SCN11A: variants seen among roughly 807,000 people sequenced by gnomAD.
SCN11A encodes sodium channel protein type 11 subunit alpha.
Under a neutral mutation model 162.2 loss-of-function variants are expected in SCN11A, and 122 were observed. The ratio of observed to expected loss-of-function variants is 0.75; its 90% CI spans 0.65 to 0.87. The LOEUF (loss-of-function observed/expected upper bound fraction) is 0.87. Among genes scored for constraint, SCN11A ranks in the 40% least tolerant of loss-of-function variants. The pLI is 0.00. For missense variants in SCN11A, 2,015 were observed against 2,181.6 expected (o/e 0.92, Z 1.52); for synonymous variants, 758 against 751.5 (o/e 1.01, Z -0.14).
chr3:38,891,786 A>G (rs1391652418), intron 19 of SCN11A, among the ~76,000 whole-genome samples: 1 of 152,214 alleles, frequency 6.6e-6, no homozygotes, highest in Non-Finnish European at 1.5e-5. Flanking sequence ...TAACAGCATT[A>G]ATCCATTCAT....
At chr3:38,903,609 T>C (rs1019626976) in intron 16 of SCN11A, among the ~76,000 whole-genome samples, 2 of 152,208 alleles carry the variant, frequency 1.3e-5, no homozygotes, top group Non-Finnish European at 2.9e-5. Context: ...TTTTAGGATG[T>C]CTGCTTGTAT....
chr3:38,884,748 A>G (rs2065366218), intron 21 of SCN11A, among the ~76,000 whole-genome samples: 1 of 152,232 alleles, frequency 6.6e-6, no homozygotes, highest in African/African-American at 2.4e-5. Flanking sequence ...ATGCTCTTCT[A>G]AGTGATTTAT....
intron 14 of SCN11A, among the ~76,000 whole-genome samples, chr3:38,907,353 T>C (rs1377701309): frequency 2.8e-4 from 17 of 60,646 alleles, no homozygotes; most frequent in African/African-American, 7.5e-4. Context: ...TATATATCTA[T>C]ATATACACAC....
At chr3:38,992,945 C>T (rs375973522) in intron 2 of SCN11A, among the ~76,000 whole-genome samples, 2 of 152,354 alleles carry the variant, frequency 1.3e-5, no homozygotes, top group African/African-American at 4.8e-5. Context: ...TCCTACCTTA[C>T]CACACACACT....
chr3:39,049,930 G>C (rs2032280963), intron 1 of SCN11A, among the ~76,000 whole-genome samples: 1 of 152,128 alleles, frequency 6.6e-6, no homozygotes, highest in Non-Finnish European at 1.5e-5. Context: ...TCTGCCCACT[G>C]AAAGAACTTC....
chr3:39,002,395 A>C, intron 2 of SCN11A, among the ~76,000 whole-genome samples: 1 of 152,214 alleles, frequency 6.6e-6, no homozygotes. Context: ...GCTGAGTTTC[A>C]CCATCTTGAA....
intron 2 of SCN11A, among the ~76,000 whole-genome samples, chr3:39,022,708 C>T (rs2031481255): frequency 6.6e-6 from 1 of 152,006 alleles, no homozygotes; most frequent in Admixed American, 6.6e-5. Flanking sequence ...ATGGCAAAAC[C>T]TTGTCCCTAC....
chr3:38,846,718 G>A lies in SCN11A; in HGVS notation c.5352C>T (p.Ala1784=). The A allele has an allele frequency of 1.2e-6, 2 of 1,614,040 alleles. No individual in the cohort carries two copies. The highest frequency in any genetic ancestry group is 1.3e-5 in the African/African-American group (1 of 75,022). ...CNGDLSSFGV[A]KGKVHCD is the part of the protein sequence containing the mutation. ...CTCAGTCACAGTGGACCTTGCCCTTGGCCACCCCAAAGCTAGACAAGTCTC... is the reference window on the plus strand; with the variant it reads ...CTCAGTCACAGTGGACCTTGCCCTTAGCCACCCCAAAGCTAGACAAGTCTC... The change falls in exon 30 of 30, where the codon GCC becomes GCT. Residue 1784 remains alanine, a synonymous_variant. Transcript: ENST00000302328.
chr3:38,949,960 G>T, intron 5 of SCN11A, 136 bp downstream of exon 5: 1 of 626,386 alleles, frequency 1.6e-6, no homozygotes. Context: ...CAATGCCAGG[G>T]GATGACAGCA....
chr3:38,908,347 T>C (rs2065833776), intron 13 of SCN11A, among the ~76,000 whole-genome samples: 1 of 152,230 alleles, frequency 6.6e-6, no homozygotes. Flanking sequence ...GACTCTTTCA[T>C]ATCTCTGTGT....
At chr3:38,920,090 G>C (rs991838940) in intron 10 of SCN11A, 89 bp from the exon 11 acceptor site, 2 of 1,016,266 alleles carry the variant, frequency 2.0e-6, no homozygotes, top group Non-Finnish European at 3.0e-6. Context: ...GCTTGAAAAT[G>C]GATGTTTCTA....
chr3:38,949,907 G>A (rs982606615), intron 5 of SCN11A, among the ~76,000 whole-genome samples, 189 bp downstream of exon 5: 18 of 152,148 alleles, frequency 1.2e-4, no homozygotes, highest in Middle Eastern at 3.4e-3. Flanking sequence ...ATGCATTGCA[G>A]AGAAAAAATG....
At chr3:39,016,397 C>T (rs2031289877) in intron 2 of SCN11A, among the ~76,000 whole-genome samples, 1 of 152,168 alleles carries the variant, frequency 6.6e-6, no homozygotes, top group South Asian at 2.1e-4. Context: ...TGCATACAAA[C>T]TAAGGCACTG....
intron 11 of SCN11A, among the ~76,000 whole-genome samples, chr3:38,919,233 C>T (rs550648924): frequency 1.7e-3 from 256 of 152,288 alleles, no homozygotes; most frequent in African/African-American, 5.7e-3. Context: ...AATCCAAAAA[C>T]GTGGAGCTGC....
rs754911340 is a variant in SCN11A at position 38,846,999 on chromosome 3, C to A, written c.5071G>T (p.Ala1691Ser). 1.9e-6 allele frequency: 3 copies of A among 1,614,068 alleles called. No homozygotes were observed. The highest frequency in any genetic ancestry group is 1.1e-5 in the South Asian group (1 of 91,070). The change falls in exon 30 of 30, where the codon GCT (alanine) becomes TCT (serine). Residue 1691 changes from alanine to serine, a missense_variant. By Grantham distance (99) the Ala-to-Ser change is moderately conservative. Coordinates refer to ENST00000302328, the MANE Select transcript of SCN11A (RefSeq NM_001349253.2). ...HCMDILFAFT[A>S]RVLGGSDGLD... ...CCATCAGAGCCACCGAGTACCCTAG[C>A]GGTGAAGGCGAAAAGAATATCCATG...
intron 2 of SCN11A, among the ~76,000 whole-genome samples, chr3:38,975,577 T>C (rs1185681943): frequency 2.0e-5 from 3 of 152,212 alleles, no homozygotes; most frequent in Non-Finnish European, 2.9e-5. Flanking sequence ...CTCAACAAAT[T>C]GTTCAACTTC....
intron 28 of SCN11A, among the ~76,000 whole-genome samples, chr3:38,856,511 G>A (rs530342116): frequency 2.6e-5 from 4 of 152,152 alleles, no homozygotes; most frequent in Non-Finnish European, 4.4e-5. Flanking sequence ...GAGGAGCTGA[G>A]GTAGCTTCTA....
intron 2 of SCN11A, among the ~76,000 whole-genome samples, chr3:38,989,467 G>A (rs1336482293): frequency 1.3e-5 from 2 of 152,210 alleles, no homozygotes; most frequent in Non-Finnish European, 2.9e-5. Flanking sequence ...GGTACAACCC[G>A]TGCATCTGTC....
chr3:38,988,858 C>T (rs2030354129), intron 2 of SCN11A, among the ~76,000 whole-genome samples: 2 of 152,146 alleles, frequency 1.3e-5, no homozygotes, highest in South Asian at 4.1e-4. Flanking sequence ...CTGACTCCTA[C>T]TACAACTCCT....
Sources: allele counts gnomAD v4.1 joint callset (sites outside exome capture counted in the v4.1 genomes callset), GRCh38; gene constraint gnomAD v4.1.1; transcripts MANE v1.5; gene names NCBI Gene and HGNC (gene_info 2026-07-23, HGNC 2026-07-21).